The following FAM163B variants were observed in gnomAD, a reference collection of about 807,000 sequenced individuals.
FAM163B encodes protein FAM163B.
In FAM163B, 4 loss-of-function variants were observed where a neutral mutation model predicts 7.6. The ratio of observed to expected loss-of-function variants is 0.52; its 90% CI spans 0.26 to 1.20. The LOEUF (loss-of-function observed/expected upper bound fraction) is 1.20, where lower values mean the gene tolerates loss of function less well. Ranked by LOEUF, FAM163B falls within the 50% of genes most tolerant of loss-of-function variation. The probability of loss-of-function intolerance (pLI) is 0.14; values close to 1 mark genes in which losing one functional copy is unlikely to be tolerated. For synonymous variants in FAM163B, 120 were observed against 111.6 expected, an observed-to-expected ratio of 1.07 and a Z score of -0.47; for missense variants, 250 against 243.0, an observed-to-expected ratio of 1.03 and a Z score of -0.19.
intron 1 of FAM163B, among the ~76,000 whole-genome samples, chr9:133,585,585 G>A (rs1286214414): frequency 6.6e-6 from 1 of 152,248 alleles, no homozygotes; most frequent in African/African-American, 2.4e-5. Context: ...CCAGGGAGAA[G>A]CCAAGGCCTA....
intron 1 of FAM163B, among the ~76,000 whole-genome samples, chr9:133,584,202 G>T (rs1432539303): frequency 6.6e-6 from 1 of 152,182 alleles, no homozygotes; most frequent in Non-Finnish European, 1.5e-5. Context: ...AATGGGGGAA[G>T]AATATGGACC....
chr9:133,606,680 T>C lies in FAM163B; in HGVS notation c.-24+2397A>G, dbSNP rs1203732289. ...TTTTACCAACACACAGATCAGGACT[T>C]GCTACTCTGAAGAGGGAAGTGGCGG... On this transcript the variant is annotated intron_variant, in intron 1 of 2. Coordinates refer to ENST00000673969, the MANE Select transcript of FAM163B (RefSeq NM_001080515.3). The surrounding 1 kb of genome is among the most constrained non-coding windows in gnomAD (Gnocchi z 4.0). Among the ~76,000 whole-genome samples, 2 of 152,190 alleles carry C rather than the reference T, an allele frequency of 1.3e-5. No homozygotes were observed. The highest frequency in any genetic ancestry group is 2.9e-5 in the Non-Finnish European group (2 of 68,032).
chr9:133,591,851 C>T (rs567286885), intron 1 of FAM163B, among the ~76,000 whole-genome samples: 3 of 152,224 alleles, frequency 2.0e-5, no homozygotes, highest in East Asian at 1.9e-4. Flanking sequence ...TGCCTCAGGA[C>T]GGGGACCGCT....
At chr9:133,582,591 A>G (rs1831372544) in intron 1 of FAM163B, among the ~76,000 whole-genome samples, 1 of 152,192 alleles carries the variant, frequency 6.6e-6, no homozygotes, top group Admixed American at 6.5e-5. Context: ...CTGTGCTGAT[A>G]GCAGGTTTGG....
Position 133,587,216 on chromosome 9 carries a change from C to T in FAM163B, c.-23-6970G>A, listed in dbSNP as rs929757634. 5.3e-5 allele frequency among the ~76,000 whole-genome samples: 8 copies of T among 152,200 alleles called. No individual in the cohort carries two copies. In the South Asian group the frequency reaches 6.2e-4, roughly 12 times the overall value. On this transcript the variant is annotated intron_variant, in intron 1 of 2. Transcript: ENST00000673969. ...CTCAAGACCAGTTTCAGCTGACCGGCGACCAGGGCGACCCAGGGCTGGAGC... is the reference window on the plus strand; with the variant it reads ...CTCAAGACCAGTTTCAGCTGACCGGTGACCAGGGCGACCCAGGGCTGGAGC...
Position 133,577,703 on chromosome 9 carries a change from G to A in FAM163B, c.*1319C>T, listed in dbSNP as rs1433904676. Among the ~76,000 whole-genome samples, 1 of 152,228 alleles carries A rather than the reference G, an allele frequency of 6.6e-6. No homozygotes were observed. The highest frequency in any genetic ancestry group is 1.9e-4 in the East Asian group (1 of 5,188). ...CCCCAGAGAGGGAAGGGGGCTCCTG[G>A]GGCCAGGCTGCTGAGAGGAAATAAT... On this transcript the variant is annotated 3_prime_UTR_variant, in exon 3 of 3. Transcript: ENST00000673969.
chr9:133,586,450 G>T lies in FAM163B; in HGVS notation c.-23-6204C>A, dbSNP rs1166736219. 2.6e-5 allele frequency among the ~76,000 whole-genome samples: 4 copies of T among 152,302 alleles called. No individual in the cohort carries two copies. In the East Asian group the frequency reaches 7.7e-4, roughly 29 times the overall value. ...GTTCGTGCCCAGGGTTTGCCCCCGT[G>T]GTTGCCTGGATTCCTTGAGGGGCCC... On this transcript the variant is annotated intron_variant, in intron 1 of 2. Coordinates refer to ENST00000673969, the MANE Select transcript of FAM163B (RefSeq NM_001080515.3).
intron 2 of FAM163B, among the ~76,000 whole-genome samples, chr9:133,579,915 GC>G (rs1291051994): frequency 6.6e-6 from 1 of 152,222 alleles, no homozygotes; most frequent in Non-Finnish European, 1.5e-5. Flanking sequence ...CCGTCTCTGA[GC>G]CTCTTTATAA....
Position 133,600,215 on chromosome 9 carries a change from GT to G in FAM163B, c.-24+8861del, listed in dbSNP as rs1452335458. ...GAATGTGGTCTGTGTGAGTGTGTGT[GT>G]GTGGGGGGGAATGTGGTCTGTGTGC... On this transcript the variant is annotated intron_variant, in intron 1 of 2. Coordinates refer to ENST00000673969, the MANE Select transcript of FAM163B (RefSeq NM_001080515.3). This position sits in a 1 kb window ranked among gnomAD's most constrained non-coding sequence, Gnocchi z 4.9. Among the ~76,000 whole-genome samples the G allele has an allele frequency of 3.7e-4, 56 of 151,086 alleles. No individual in the cohort carries two copies. Among genetic ancestry groups the G allele is most frequent in the Non-Finnish European group, 7.7e-4 (52 of 67,740 alleles).
At chr9:133,584,079 C>G (rs1350142356) in intron 1 of FAM163B, among the ~76,000 whole-genome samples, 1 of 152,020 alleles carries the variant, frequency 6.6e-6, no homozygotes, top group African/African-American at 2.4e-5. Flanking sequence ...GCCATCAAAG[C>G]CCAGCACGTG....
At chr9:133,594,382 C>T (rs1287623680) in intron 1 of FAM163B, among the ~76,000 whole-genome samples, 1 of 152,174 alleles carries the variant, frequency 6.6e-6, no homozygotes, top group Non-Finnish European at 1.5e-5. Context: ...GCCTCCCAGC[C>T]ACCAACTTTG....
At position 133,577,572 on chromosome 9, in the gene FAM163B, T is replaced by C. The variant is rs7863641; in HGVS notation, c.*1450A>G. Among the ~76,000 whole-genome samples, 114,619 of 152,232 alleles carry C rather than the reference T, an allele frequency of 0.75. 43,515 individuals carry two copies. Among genetic ancestry groups the C allele is most frequent in the Middle Eastern group, 0.87 (256 of 294 alleles). ...AAGCCACCCCTCCGCTCAGGGAAGG[T>C]CACTGCCCGGCCAAGCCTTGTCTTT... On this transcript the variant is annotated 3_prime_UTR_variant, in exon 3 of 3. Coordinates refer to ENST00000673969, the MANE Select transcript of FAM163B (RefSeq NM_001080515.3).
At position 133,597,712 on chromosome 9, in the gene FAM163B, C is replaced by T. The variant is rs145164361; in HGVS notation, c.-24+11365G>A. Among the ~76,000 whole-genome samples, 368 of 152,070 alleles carry T rather than the reference C, an allele frequency of 2.4e-3. 3 individuals carry two copies. Among genetic ancestry groups the T allele is most frequent in the Middle Eastern group, 0.02 (6 of 294 alleles). ...TAATCAAATTGCTTAAAACCAGCAA[C>T]GAAGGGAAAAATCTAAACACAGAGC... On this transcript the variant is annotated intron_variant, in intron 1 of 2. Coordinates refer to ENST00000673969, the MANE Select transcript of FAM163B (RefSeq NM_001080515.3).
chr9:133,591,496 AC>A (rs535135968), intron 1 of FAM163B, among the ~76,000 whole-genome samples: 11 of 152,146 alleles, frequency 7.2e-5, no homozygotes, highest in African/African-American at 2.6e-4. Flanking sequence ...GGCCTTCTCC[AC>A]AGCCAATGTG....
chr9:133,595,475 T>C (rs1831616319), intron 1 of FAM163B, among the ~76,000 whole-genome samples: 1 of 152,214 alleles, frequency 6.6e-6, no homozygotes, highest in Admixed American at 6.5e-5. Context: ...AACAAGCATC[T>C]GGTGCTGCTG....
At chr9:133,589,574 C>T (rs74695032) in intron 1 of FAM163B, among the ~76,000 whole-genome samples, 61 of 152,242 alleles carry the variant, frequency 4.0e-4, no homozygotes, top group Non-Finnish European at 8.1e-4. Flanking sequence ...CCCATGAAGG[C>T]AAGAACCTGG....
intron 1 of FAM163B, among the ~76,000 whole-genome samples, chr9:133,593,724 C>T (rs1463009580): frequency 2.0e-5 from 3 of 152,268 alleles, no homozygotes; most frequent in Admixed American, 6.5e-5. Context: ...CCAAGCACAG[C>T]CCGGTGCTGG....
At chr9:133,586,276 G>A (rs987628578) in intron 1 of FAM163B, 3 of 152,350 alleles carry the variant, frequency 2.0e-5, no homozygotes, top group South Asian at 2.1e-4. Context: ...GCTCAGCTGC[G>A]GGGGGAAGAG....
intron 1 of FAM163B, among the ~76,000 whole-genome samples, chr9:133,580,804 C>G (rs1488624025): frequency 1.3e-5 from 2 of 152,114 alleles, no homozygotes; most frequent in Non-Finnish European, 2.9e-5. Context: ...TAAAATGTAC[C>G]ATCTTCACCA....
Sources: allele counts gnomAD v4.1 joint callset (sites outside exome capture counted in the v4.1 genomes callset), GRCh38; gene constraint gnomAD v4.1.1; non-coding constraint Gnocchi (gnomAD v3.1); transcripts MANE v1.5; gene names NCBI Gene and HGNC (gene_info 2026-07-23, HGNC 2026-07-21).